Variants in SGCD observed in about 807,000 individuals in gnomAD.
The protein encoded by SGCD is sarcoglycan delta, also known as delta-sarcoglycan.
SGCD carries 18 observed loss-of-function variants against 36.6 expected under a neutral mutation model. The ratio of observed to expected loss-of-function variants is 0.49; its 90% CI spans 0.34 to 0.73. The LOEUF is 0.73. Among genes scored for constraint, SGCD ranks in the 30% least tolerant of loss-of-function variants. The pLI is 0.01. For missense variants in SGCD, 387 were observed against 346.7 expected (o/e 1.12, Z -0.92); for synonymous variants, 133 against 130.6 (o/e 1.02, Z -0.12).
At chr5:155,876,583 A>T (rs1379164921) in intron 1 of SGCD, among the ~76,000 whole-genome samples, 1 of 151,884 alleles carries the variant, frequency 6.6e-6, no homozygotes. Flanking sequence ...CAAATACTGT[A>T]TTTGTAAGGG....
At chr5:156,720,243 A>G (rs1755428418) in intron 7 of SGCD, among the ~76,000 whole-genome samples, 1 of 152,206 alleles carries the variant, frequency 6.6e-6, no homozygotes, top group Non-Finnish European at 1.5e-5. Flanking sequence ...AGGCCATATA[A>G]CTAATAAGCA....
At chr5:156,514,360 G>C (rs575408054) in intron 4 of SGCD, among the ~76,000 whole-genome samples, 1 of 152,308 alleles carries the variant, frequency 6.6e-6, no homozygotes, top group Non-Finnish European at 1.5e-5. Flanking sequence ...CAATAGGAAA[G>C]CCGTATCATG....
intron 1 of SGCD, among the ~76,000 whole-genome samples, chr5:156,071,544 C>G (rs150098057): frequency 0.065 from 9,967 of 152,176 alleles, 1,042 homozygotes; most frequent in African/African-American, 0.22. Flanking sequence ...GAGAGCTTTA[C>G]TTCCAACTAT....
intron 1 of SGCD, among the ~76,000 whole-genome samples, chr5:155,901,251 G>A (rs1756383282): frequency 6.6e-6 from 1 of 151,516 alleles, no homozygotes; most frequent in Non-Finnish European, 1.5e-5. Context: ...GGCGGAGGTT[G>A]CAGTGAGCCG....
At chr5:155,771,688 A>G in the SGCD span, among the ~76,000 whole-genome samples, 9,881 of 151,862 alleles carry the variant, frequency 0.065, 1,040 homozygotes, top group African/African-American at 0.22. Context: ...CTCCCAAAGT[A>G]CTGGGATTAC....
At chr5:156,727,709 A>G (rs1561880089) in intron 7 of SGCD, among the ~76,000 whole-genome samples, 1 of 152,210 alleles carries the variant, frequency 6.6e-6, no homozygotes, top group Non-Finnish European at 1.5e-5. Context: ...AAATGAGAAT[A>G]ATAATGCCAA....
At chr5:156,633,073 T>C (rs1290878763) in intron 6 of SGCD, among the ~76,000 whole-genome samples, 6 of 152,204 alleles carry the variant, frequency 3.9e-5, no homozygotes, top group African/African-American at 1.4e-4. Context: ...CTTTTTTCTC[T>C]GATTTGCTTT....
In SGCD at chr5:156,765,416, C is replaced by A. The variant is rs1039300977; in HGVS notation, c.*6026C>A. ...CTAACATTTTGGGGGGCCATAGATT[C>A]TTTTGACAATCTGAGCCAATCTATG... On this transcript the variant is annotated 3_prime_UTR_variant, in exon 9 of 9. Transcript: ENST00000337851. 1 of 152,116 alleles carries A rather than the reference C, an allele frequency of 6.6e-6. No individual in the cohort carries two copies. Among genetic ancestry groups the A allele is most frequent in the Non-Finnish European group, 1.5e-5 (1 of 68,012 alleles). 9.4% of individuals were successfully genotyped at this position (152,116 alleles called of 1,614,324 possible).
At chr5:156,340,916 T>C (rs1465223619) in intron 2 of SGCD, among the ~76,000 whole-genome samples, 1 of 152,242 alleles carries the variant, frequency 6.6e-6, no homozygotes, top group Non-Finnish European at 1.5e-5. Flanking sequence ...TGCAGGATTC[T>C]TTATAACAGA....
intron 3 of SGCD, among the ~76,000 whole-genome samples, chr5:156,285,853 A>G (rs1411099424): frequency 2.6e-5 from 4 of 152,208 alleles, no homozygotes; most frequent in African/African-American, 4.8e-5. Flanking sequence ...GAGCTTCTGC[A>G]CAGCAAAAGA....
At chr5:156,209,359 G>A (rs539703645) in intron 3 of SGCD, among the ~76,000 whole-genome samples, 62 of 152,280 alleles carry the variant, frequency 4.1e-4, no homozygotes, top group African/African-American at 1.5e-3. Context: ...TAGCTATTAT[G>A]GATACAGGCT....
chr5:156,212,145 T>C (rs565738608), intron 3 of SGCD, among the ~76,000 whole-genome samples: 5 of 152,344 alleles, frequency 3.3e-5, no homozygotes, highest in Admixed American at 3.3e-4. Flanking sequence ...CAAATGGCAG[T>C]TGTAAATCCT....
intron 7 of SGCD, among the ~76,000 whole-genome samples, chr5:156,715,733 G>A (rs569420065): frequency 3.3e-5 from 5 of 152,192 alleles, no homozygotes; most frequent in Non-Finnish European, 5.9e-5. Context: ...CAACTGTGAA[G>A]TACAGATAAA....
At chr5:156,591,728 G>GT (rs934506566) in intron 5 of SGCD, among the ~76,000 whole-genome samples, 1 of 152,090 alleles carries the variant, frequency 6.6e-6, no homozygotes, top group Non-Finnish European at 1.5e-5. Flanking sequence ...AGGAATAGTG[G>GT]TTTTTTTCTT....
intron 7 of SGCD, among the ~76,000 whole-genome samples, chr5:156,683,159 A>G (rs1453692545): frequency 6.6e-6 from 1 of 152,212 alleles, no homozygotes; most frequent in African/African-American, 2.4e-5. Context: ...GTTCCATCAA[A>G]TGAACCACAT....
intron 3 of SGCD, among the ~76,000 whole-genome samples, chr5:156,476,237 G>A (rs913485293): frequency 1.3e-5 from 2 of 152,110 alleles, no homozygotes; most frequent in Non-Finnish European, 2.9e-5. Flanking sequence ...TGCAGTTCTG[G>A]GGGTCTACTT....
At chr5:156,614,616 CT>C (rs960807810) in intron 6 of SGCD, among the ~76,000 whole-genome samples, 7 of 152,004 alleles carry the variant, frequency 4.6e-5, no homozygotes, top group African/African-American at 1.4e-4. Context: ...CAGTTTAGTC[CT>C]TTTTTTTATG....
intron 3 of SGCD, among the ~76,000 whole-genome samples, chr5:156,389,523 C>T (rs1421692601): frequency 6.6e-6 from 1 of 152,162 alleles, no homozygotes; most frequent in Non-Finnish European, 1.5e-5. Flanking sequence ...CACCAGGGAT[C>T]GGTTTCATGG....
chr5:156,516,133 C>T (rs1194712020), intron 4 of SGCD, among the ~76,000 whole-genome samples: 17 of 152,224 alleles, frequency 1.1e-4, no homozygotes, highest in Admixed American at 1.1e-3. Context: ...GGGGGATTCC[C>T]CTGAGCACAA....
Sources: gnomAD v4.1 joint callset for allele counts (sites outside exome capture counted in the v4.1 genomes callset) on GRCh38, gnomAD v4.1.1 for gene constraint, MANE v1.5 for transcripts, NCBI Gene and HGNC (gene_info 2026-07-23, HGNC 2026-07-21) for gene names.